Variants in L3MBTL4 observed in about 807,000 individuals in gnomAD.
L3MBTL4 encodes the protein lethal(3)malignant brain tumor-like protein 4.
Under a neutral mutation model 84.5 loss-of-function variants are expected in L3MBTL4, and 70 were observed. That is an observed-to-expected ratio of 0.83 (90% CI 0.68 to 1.01). The LOEUF (loss-of-function observed/expected upper bound fraction) is 1.01. Among genes scored for constraint, L3MBTL4 ranks in the 50% least tolerant of loss-of-function variants. L3MBTL4 has a pLI of 0.00. For synonymous variants in L3MBTL4, 274 were observed against 259.8 expected (o/e 1.05, Z -0.52); for missense variants, 715 against 754.8 (o/e 0.95, Z 0.62).
intron 5 of L3MBTL4, among the ~76,000 whole-genome samples, chr18:6,247,748 G>A (rs983103604): frequency 1.3e-5 from 2 of 151,174 alleles, no homozygotes; most frequent in East Asian, 3.9e-4. Flanking sequence ...ACCTGCCTCG[G>A]TCTCCCAAAG....
chr18:6,160,703 C>T (rs555448387), intron 13 of L3MBTL4, among the ~76,000 whole-genome samples: 1 of 141,056 alleles, frequency 7.1e-6, no homozygotes, highest in Non-Finnish European at 1.5e-5. Flanking sequence ...TACACCCCAG[C>T]TTGGGTGACG....
chr18:6,380,748 A>C (rs940817072), intron 1 of L3MBTL4, among the ~76,000 whole-genome samples: 2 of 152,168 alleles, frequency 1.3e-5, no homozygotes, highest in African/African-American at 4.8e-5. Context: ...TATACGGTCA[A>C]TTTTAGAATA....
chr18:6,284,796 G>A (rs990600412), intron 4 of L3MBTL4, among the ~76,000 whole-genome samples: 1 of 152,236 alleles, frequency 6.6e-6, no homozygotes, highest in African/African-American at 2.4e-5. Flanking sequence ...ATGGGTGGAG[G>A]CAGCTAGAGC....
chr18:6,345,808 A>C (rs552597322), intron 1 of L3MBTL4, among the ~76,000 whole-genome samples: 25 of 152,226 alleles, frequency 1.6e-4, no homozygotes, highest in African/African-American at 6.0e-4. Context: ...TTTTTCACAG[A>C]AATAGGAAAA....
At chr18:6,127,138 C>T (rs1008110273) in intron 14 of L3MBTL4, among the ~76,000 whole-genome samples, 7 of 152,158 alleles carry the variant, frequency 4.6e-5, no homozygotes, top group African/African-American at 9.7e-5. Flanking sequence ...ACAAAATTTA[C>T]GGAGCCAAAC....
rs149798395 is a variant in L3MBTL4, at chr18:6,220,645, T to C, written c.785-4810A>G. ...TCATTTCTCTTGCTCCATTAGAACA[T>C]AGGCTGCCTTATGATAGGAATATGT... On this transcript the variant is annotated intron_variant, in intron 10 of 18. Coordinates refer to ENST00000317931, the MANE Select transcript of L3MBTL4 (RefSeq NM_001330559.2). Among the ~76,000 whole-genome samples, 75 of 152,364 alleles carry C rather than the reference T, an allele frequency of 4.9e-4. 1 individual carries two copies. Among genetic ancestry groups the C allele is most frequent in the African/African-American group, 1.8e-3 (73 of 41,582 alleles).
chr18:6,066,925 T>C (rs1251195490), intron 16 of L3MBTL4, among the ~76,000 whole-genome samples: 27 of 152,192 alleles, frequency 1.8e-4, no homozygotes, highest in African/African-American at 6.5e-4. Context: ...ACTTTGTTTT[T>C]TTTTTTTTCA....
At chr18:6,411,058 A>G (rs2055944399) in intron 1 of L3MBTL4, among the ~76,000 whole-genome samples, 1 of 152,246 alleles carries the variant, frequency 6.6e-6, no homozygotes, top group Admixed American at 6.5e-5. Flanking sequence ...TTGTATTTGC[A>G]TAATAAAATA....
chr18:5,972,892 G>GAGAAGAGAATAGAAT, intron 16 of L3MBTL4, among the ~76,000 whole-genome samples: 2 of 132,130 alleles, frequency 1.5e-5, no homozygotes, highest in East Asian at 2.2e-4. Context: ...TAGAACAGAA[G>GAGAAGAGAATAGAAT]AGAATAGAAT....
At chr18:6,021,663 G>T (rs2055271362) in intron 16 of L3MBTL4, among the ~76,000 whole-genome samples, 1 of 152,144 alleles carries the variant, frequency 6.6e-6, no homozygotes, top group South Asian at 2.1e-4. Context: ...ACTGATCCTT[G>T]GGGTTTCTGT....
At chr18:5,962,244 G>A (rs1337530201) in intron 17 of L3MBTL4, among the ~76,000 whole-genome samples, 1 of 152,164 alleles carries the variant, frequency 6.6e-6, no homozygotes, top group Non-Finnish European at 1.5e-5. Context: ...ACTTCAGGAA[G>A]GTCATCAGGA....
At chr18:6,033,196 C>T (rs1235633322) in intron 16 of L3MBTL4, among the ~76,000 whole-genome samples, 2 of 152,020 alleles carry the variant, frequency 1.3e-5, no homozygotes, top group Non-Finnish European at 2.9e-5. Flanking sequence ...TTGTTATATC[C>T]TTTTGTGGTA....
Position 5,997,944 on chromosome 18 carries a change from A to G in L3MBTL4, c.1445-28382T>C, listed in dbSNP as rs560420673. On this transcript the variant is annotated intron_variant, in intron 16 of 18. Transcript: ENST00000317931. The stretch of plus-strand genomic sequence containing the variant: ...ATGGGGGTCCTGGAACCAATCCCCC[A>G]GGGATATCAGGGGATATAAGAGCCA... Among the ~76,000 whole-genome samples, 8 of 152,330 alleles carry G rather than the reference A, an allele frequency of 5.3e-5. No homozygotes were observed. In the East Asian group the frequency reaches 9.6e-4, roughly 18 times the overall value.
Position 6,299,678 on chromosome 18 carries a change from A to AT in L3MBTL4, c.127+2224dup, listed in dbSNP as rs934013749. ...AAGGTTTATTTTGCAATATAGATAT[A>AT]TTTTTTTTATATACAGGGTCTCACT... On this transcript the variant is annotated intron_variant, in intron 4 of 18. Coordinates refer to ENST00000317931, the MANE Select transcript of L3MBTL4 (RefSeq NM_001330559.2). Among the ~76,000 whole-genome samples the AT allele has an allele frequency of 4.8e-4, 48 of 99,394 alleles. No individual in the cohort carries two copies. In the East Asian group the frequency reaches 0.014, roughly 29 times the overall value. The allele number at this position is 99,394 out of a possible 152,430, so 65.2% of individuals were successfully genotyped here.
At chr18:5,972,683 CG>C (rs1281114340) in intron 16 of L3MBTL4, among the ~76,000 whole-genome samples, 1 of 151,898 alleles carries the variant, frequency 6.6e-6, no homozygotes, top group African/African-American at 2.4e-5. Context: ...GATTTTGGGG[CG>C]GGATAGTCAG....
intron 16 of L3MBTL4, among the ~76,000 whole-genome samples, chr18:5,997,680 A>C (rs1327133506): frequency 6.6e-6 from 1 of 151,816 alleles, no homozygotes; most frequent in Non-Finnish European, 1.5e-5. Flanking sequence ...TTGATGTCTC[A>C]TGTCTCCTAA....
Position 6,230,544 on chromosome 18 carries a change from C to T in L3MBTL4, c.784+7420G>A, listed in dbSNP as rs772392835. 2.1e-4 allele frequency among the ~76,000 whole-genome samples: 32 copies of T among 152,134 alleles called. 1 individual carries two copies. The highest frequency in any genetic ancestry group is 4.4e-4 in the Non-Finnish European group (30 of 67,996). On this transcript the variant is annotated intron_variant, in intron 10 of 18. Coordinates refer to ENST00000317931, the MANE Select transcript of L3MBTL4 (RefSeq NM_001330559.2). ...TGTGAATAGCGCTGAGATGAGCATA[C>T]ACATGCATGTGTCTTTATGGAAGAA...
intron 14 of L3MBTL4, among the ~76,000 whole-genome samples, chr18:6,134,035 G>A (rs1437557459): frequency 2.6e-5 from 4 of 152,174 alleles, no homozygotes; most frequent in Non-Finnish European, 5.9e-5. Flanking sequence ...GGAAAAAGAG[G>A]TTCAGTTGGA....
At chr18:6,054,521 C>T (rs1025380609) in intron 16 of L3MBTL4, among the ~76,000 whole-genome samples, 1 of 152,172 alleles carries the variant, frequency 6.6e-6, no homozygotes, top group African/African-American at 2.4e-5. Flanking sequence ...TCTTTTCCTC[C>T]GAGGCCCTCT....
Sources: gnomAD v4.1 joint callset for allele counts (sites outside exome capture counted in the v4.1 genomes callset) on GRCh38, gnomAD v4.1.1 for gene constraint, MANE v1.5 for transcripts, NCBI Gene and HGNC (gene_info 2026-07-23, HGNC 2026-07-21) for gene names.